The following EPHB2 variants were observed in gnomAD, a reference collection of about 807,000 sequenced individuals.
EPHB2 encodes the protein EPH receptor B2.
EPHB2 carries 18 observed loss-of-function variants against 96.4 expected under a neutral mutation model. The ratio of observed to expected loss-of-function variants is 0.19; its 90% CI spans 0.13 to 0.28. The LOEUF (loss-of-function observed/expected upper bound fraction) is 0.28. Among genes scored for constraint, EPHB2 ranks in the 10% least tolerant of loss-of-function variants. The probability of loss-of-function intolerance (pLI) is 1.00; values close to 1 mark genes in which losing one functional copy is unlikely to be tolerated. For missense variants in EPHB2, 989 were observed against 1,355.4 expected, an observed-to-expected ratio of 0.73 and a Z score of 4.25; for synonymous variants, 506 against 534.1, an observed-to-expected ratio of 0.95 and a Z score of 0.72.
chr1:22,863,162 G>C lies in EPHB2; in HGVS notation c.937G>C (p.Asp313His). ...CVCRNGYYRA[D>H]LDPLDMPCTT... ...CTGCCGCAATGGCTACTACAGAGCA[G>C]ACCTGGACCCCCTGGACATGCCCTG... Residue 313 changes from aspartate (D) to histidine (H), a missense_variant, in exon 4 of 16, where the codon GAC becomes CAC. Coordinates refer to ENST00000374630, the MANE Select transcript of EPHB2 (RefSeq NM_017449.5). The C allele has an allele frequency of 6.2e-7, 1 of 1,614,218 alleles. No homozygotes were observed. Among genetic ancestry groups the C allele is most frequent in the South Asian group, 1.1e-5 (1 of 91,080 alleles).
chr1:22,843,830 C>T lies in EPHB2; in HGVS notation c.812-19207C>T, dbSNP rs183358607. 8.5e-5 allele frequency among the ~76,000 whole-genome samples: 13 copies of T among 152,358 alleles called. 1 individual carries two copies. Among genetic ancestry groups the T allele is most frequent in the Middle Eastern group, 3.4e-3 (1 of 294 alleles). ...TGCTGGGATTACAGGCGTGGGCCAC[C>T]GTACCCAGCCTCTTGTTCCCTTCTT... is the stretch of plus-strand genomic sequence containing the variant. On this transcript the variant is annotated intron_variant, in intron 3 of 15. Coordinates refer to ENST00000374630, the MANE Select transcript of EPHB2 (RefSeq NM_017449.5).
At chr1:22,725,980 C>T (rs924465717) in intron 1 of EPHB2, among the ~76,000 whole-genome samples, 3 of 152,222 alleles carry the variant, frequency 2.0e-5, no homozygotes, top group African/African-American at 7.2e-5. Context: ...ACTCCGTCTC[C>T]TCCAGACTGA....
At chr1:22,815,764 T>C (rs1645066512) in intron 3 of EPHB2, among the ~76,000 whole-genome samples, 1 of 152,170 alleles carries the variant, frequency 6.6e-6, no homozygotes, top group South Asian at 2.1e-4. Context: ...TCCAGAGTGG[T>C]TTGCAGGCCC....
chr1:22,907,677 A>G (rs756654337), intron 11 of EPHB2, among the ~76,000 whole-genome samples: 30 of 152,228 alleles, frequency 2.0e-4, no homozygotes, highest in Non-Finnish European at 2.9e-4. Flanking sequence ...ACTGAGACTC[A>G]GAGGTATTAG....
At chr1:22,716,614 C>T (rs1643302120) in intron 1 of EPHB2, among the ~76,000 whole-genome samples, 2 of 152,234 alleles carry the variant, frequency 1.3e-5, no homozygotes, top group Admixed American at 1.3e-4. Flanking sequence ...GCTGGGATTA[C>T]AGGCCTGAGC....
chr1:22,882,929 A>C, intron 6 of EPHB2: 2 of 238,144 alleles, frequency 8.4e-6, no homozygotes, highest in Non-Finnish European at 1.7e-5. Context: ...CTGCTAAAAC[A>C]CCCACTTTCA....
intron 1 of EPHB2, among the ~76,000 whole-genome samples, chr1:22,736,376 C>G (rs1405585051): frequency 6.6e-6 from 1 of 152,196 alleles, no homozygotes; most frequent in Admixed American, 6.5e-5. Context: ...GTAAAAGCCT[C>G]TCCCCTTCAA....
intron 3 of EPHB2, among the ~76,000 whole-genome samples, chr1:22,842,055 G>C (rs1414204373): frequency 6.6e-6 from 1 of 152,114 alleles, no homozygotes; most frequent in Non-Finnish European, 1.5e-5. Context: ...CCTGGGGTTG[G>C]GTGAGGGGCA....
rs1427594562 is a variant in EPHB2 at position 22,733,153 on chromosome 1, A to G, written c.61+22110A>G. On this transcript the variant is annotated intron_variant, in intron 1 of 15. Coordinates refer to ENST00000374630, the MANE Select transcript of EPHB2 (RefSeq NM_017449.5). The surrounding 1 kb of genome is among the most constrained non-coding windows in gnomAD (Gnocchi z 4.6). ...AACCTCTGCCTCCCCAGTTCAAGCG[A>G]TTCTCCTGCCTCAGCCTCCTGAGTA... Among the ~76,000 whole-genome samples the G allele has an allele frequency of 2.6e-5, 4 of 151,938 alleles. No homozygotes were observed. Among genetic ancestry groups the G allele is most frequent in the Non-Finnish European group, 5.9e-5 (4 of 67,996 alleles).
chr1:22,844,780 G>A (rs936207586), intron 3 of EPHB2, among the ~76,000 whole-genome samples: 1 of 152,130 alleles, frequency 6.6e-6, no homozygotes, highest in Non-Finnish European at 1.5e-5. Flanking sequence ...TATAGCCTGG[G>A]GCCAGCATCC....
intron 6 of EPHB2, among the ~76,000 whole-genome samples, chr1:22,883,895 T>A (rs79378032): frequency 0.014 from 2,192 of 152,292 alleles, 25 homozygotes; most frequent in Non-Finnish European, 0.023. Flanking sequence ...CAATATCAGT[T>A]GAATGAACAA....
chr1:22,716,051 C>T (rs1310292406), intron 1 of EPHB2, among the ~76,000 whole-genome samples: 1 of 152,186 alleles, frequency 6.6e-6, no homozygotes, highest in African/African-American at 2.4e-5. Flanking sequence ...CCTAACCCAC[C>T]CCACAAGCTC....
intron 1 of EPHB2, among the ~76,000 whole-genome samples, chr1:22,737,827 T>C (rs1192872308): frequency 2.0e-5 from 3 of 152,202 alleles, no homozygotes; most frequent in Non-Finnish European, 4.4e-5. Flanking sequence ...TGAAAATAAC[T>C]TCCCCCTCTA....
intron 5 of EPHB2, among the ~76,000 whole-genome samples, chr1:22,879,471 A>G (rs1387973400): frequency 6.6e-6 from 1 of 152,060 alleles, no homozygotes; most frequent in Non-Finnish European, 1.5e-5. Flanking sequence ...AGAACACTCA[A>G]CTCCTCACAA....
chr1:22,714,019 G>A (rs1643229570), intron 1 of EPHB2, among the ~76,000 whole-genome samples: 4 of 152,220 alleles, frequency 2.6e-5, no homozygotes, highest in Admixed American at 6.5e-5. Flanking sequence ...ATCCCTGGCC[G>A]ATGGAATCCA....
At chr1:22,832,848 C>T (rs1025943197) in intron 3 of EPHB2, among the ~76,000 whole-genome samples, 1 of 151,640 alleles carries the variant, frequency 6.6e-6, no homozygotes, top group African/African-American at 2.4e-5. Flanking sequence ...GACTACAGCA[C>T]CTGTACAAAG....
In EPHB2 at chr1:22,822,053, C is replaced by A. The variant is rs565676383; in HGVS notation, c.811+36977C>A. 3.2e-4 allele frequency among the ~76,000 whole-genome samples: 49 copies of A among 152,298 alleles called. No individual in the cohort carries two copies. In the South Asian group the frequency reaches 7.9e-3, roughly 24 times the overall value. ...TTAGACATCTACTATGTACCAATTA[C>A]AGTGCTACAATAAATGTAAGTAAGT... On this transcript the variant is annotated intron_variant, in intron 3 of 15. Transcript: ENST00000374630.
At chr1:22,797,779 T>C (rs1325831144) in intron 3 of EPHB2, among the ~76,000 whole-genome samples, 2 of 152,094 alleles carry the variant, frequency 1.3e-5, no homozygotes, top group Admixed American at 6.5e-5. Context: ...CATCTTTCCC[T>C]TCTCTCACCT....
At chr1:22,809,808 C>G (rs1274142053) in intron 3 of EPHB2, among the ~76,000 whole-genome samples, 1 of 152,182 alleles carries the variant, frequency 6.6e-6, no homozygotes, top group Non-Finnish European at 1.5e-5. Context: ...GTGCTGTGGA[C>G]TTATGTGGTG....
Sources: allele counts gnomAD v4.1 joint callset (sites outside exome capture counted in the v4.1 genomes callset), GRCh38; gene constraint gnomAD v4.1.1; non-coding constraint Gnocchi (gnomAD v3.1); transcripts MANE v1.5; gene names NCBI Gene and HGNC (gene_info 2026-07-23, HGNC 2026-07-21).